Variants in AKAP14 observed in about 807,000 individuals in gnomAD.
AKAP14 encodes the protein A-kinase anchoring protein 14.
Under a neutral mutation model 17.0 loss-of-function variants are expected in AKAP14, and 4 were observed. The observed-to-expected ratio is 0.23, with a 90% CI of 0.12 to 0.54. The LOEUF is 0.54. Ranked by LOEUF, AKAP14 falls within the 20% of genes least tolerant of loss-of-function variation. The probability of loss-of-function intolerance (pLI) is 0.95; values close to 1 mark genes in which losing one functional copy is unlikely to be tolerated. For missense variants in AKAP14, 129 were observed against 150.9 expected (o/e 0.85, Z 0.76); for synonymous variants, 42 against 51.3 (o/e 0.82, Z 0.77).
chrX:119,905,862 C>T (rs897879181), intron 4 of AKAP14, among the ~76,000 whole-genome samples: 1 of 111,527 alleles, frequency 9.0e-6, no homozygotes, highest in African/African-American at 3.3e-5. Context: ...TTTTTCCCTT[C>T]GCACTTCTTT....
At position 119,914,647 on chromosome X, in the gene AKAP14, G is replaced by C. The variant is rs1483600870; in HGVS notation, c.262-52G>C. ...CATGCTGCATTTATCTACAGGACTT[G>C]AACAGAAGGCTTTTCTTTTTCTGTG... On this transcript the variant is annotated intron_variant, in intron 4 of 6. Transcript: ENST00000371431. 8 of 1,132,693 alleles carry C rather than the reference G, an allele frequency of 7.1e-6. No homozygotes were observed. The East Asian group carries it at 1.8e-4, about 26-fold the overall frequency. The allele number at this position is 1,132,693 out of a possible 1,213,427, so 93.3% of individuals were successfully genotyped here. A position where few individuals can be genotyped will look rare whatever the true frequency, so the allele number is the denominator to read the frequency against.
chrX:119,916,436 C>CTA (rs2056657336), intron 5 of AKAP14, among the ~76,000 whole-genome samples: 1 of 30,563 alleles, frequency 3.3e-5, no homozygotes, highest in African/African-American at 1.2e-4. Context: ...CCTATCTAAT[C>CTA]TATCTATCTA....
chrX:119,911,178 C>T (rs1287924458), intron 4 of AKAP14, among the ~76,000 whole-genome samples: 1 of 105,573 alleles, frequency 9.5e-6, no homozygotes, highest in Non-Finnish European at 1.9e-5. Flanking sequence ...CATGGTGAAA[C>T]CCTGTCTCTA....
Position 119,908,839 on chromosome X carries a change from G to A in AKAP14, c.261+5253G>A, listed in dbSNP as rs777153083. Reference sequence around the variant, plus strand: ...CACGGATAAAAATGGGAGGAGATTCGCCTGATGAAAATAGTTAAATTTAAT... The same window carrying A: ...CACGGATAAAAATGGGAGGAGATTCACCTGATGAAAATAGTTAAATTTAAT... On this transcript the variant is annotated intron_variant, in intron 4 of 6. Transcript: ENST00000371431. Among the ~76,000 whole-genome samples the A allele has an allele frequency of 7.2e-5, 8 of 111,829 alleles. No homozygotes were observed. The East Asian group carries it at 1.1e-3, about 16-fold the overall frequency.
intron 6 of AKAP14, 118 bp downstream of exon 6, chrX:119,920,081 C>T: frequency 1.3e-6 from 1 of 741,961 alleles, no homozygotes; most frequent in Non-Finnish European, 2.0e-6. Context: ...CTTCTTTGGA[C>T]CACCAAGCCC....
chrX:119,896,631 C>T (rs1315577337), intron 2 of AKAP14, among the ~76,000 whole-genome samples: 1 of 111,375 alleles, frequency 9.0e-6, no homozygotes, highest in Non-Finnish European at 1.9e-5. Flanking sequence ...TGTTGGAGCA[C>T]AGGCTCCCCA....
Position 119,920,523 on chromosome X carries a change from C to T in AKAP14, c.510C>T (p.Arg170=). Residue 170 remains arginine, a synonymous_variant, in exon 7 of 7, where the codon CGC becomes CGT. Coordinates refer to ENST00000371431, the MANE Select transcript of AKAP14 (RefSeq NM_178813.6). ...TCCTTTGTAGACCAGGAATGGTTCG[C>T]TTTCGAGAAAACTGGCAGAAGAATC... ...QALVHRPGMV[R]FRENWQKNLT... The T allele has an allele frequency of 8.3e-7, 1 of 1,208,671 alleles. No homozygotes were observed. Among genetic ancestry groups the T allele is most frequent in the Non-Finnish European group, 1.1e-6 (1 of 893,262 alleles).
chrX:119,899,187 G>GAAGA (rs1248309395), intron 2 of AKAP14, among the ~76,000 whole-genome samples: 1 of 78,407 alleles, frequency 1.3e-5, no homozygotes, highest in Non-Finnish European at 2.4e-5. Flanking sequence ...AAAAAAAAAG[G>GAAGA]AAGAAAGAAA....
rs2056684702 is a variant in AKAP14 at position 119,920,685 on chromosome X, T to C, written c.*78T>C. The C allele has an allele frequency of 1.3e-6, 1 of 752,203 alleles. No individual in the cohort carries two copies. Among genetic ancestry groups the C allele is most frequent in the African/African-American group, 2.0e-5 (1 of 48,783 alleles). The allele number at this position is 752,203 out of a possible 1,213,427, so 62.0% of individuals were successfully genotyped here. ...CAATACAGCACGTCAAACCACAGAA[T>C]ATTTATTGAGTAATAAACTTGTGGC... On this transcript the variant is annotated 3_prime_UTR_variant, in exon 7 of 7. Coordinates refer to ENST00000371431, the MANE Select transcript of AKAP14 (RefSeq NM_178813.6).
chrX:119,917,561 T>C (rs1389167165), intron 5 of AKAP14, among the ~76,000 whole-genome samples: 3 of 106,767 alleles, frequency 2.8e-5, no homozygotes, highest in Non-Finnish European at 5.8e-5. Context: ...GCTGAGATCA[T>C]GCCATTGCAC....
At chrX:119,911,744 C>T (rs1241993696) in intron 4 of AKAP14, among the ~76,000 whole-genome samples, 1 of 109,049 alleles carries the variant, frequency 9.2e-6, no homozygotes, top group Non-Finnish European at 1.9e-5. Context: ...AGTTGCCCAG[C>T]CTGGAGTGCA....
At chrX:119,916,468 CT>C (rs2056658245) in intron 5 of AKAP14, among the ~76,000 whole-genome samples, 1 of 108,280 alleles carries the variant, frequency 9.2e-6, no homozygotes, top group African/African-American at 3.3e-5. Flanking sequence ...ATCTATCTAT[CT>C]ATCTATCTAT....
intron 4 of AKAP14, among the ~76,000 whole-genome samples, 160 bp from the exon 5 acceptor site, chrX:119,914,539 T>C (rs1159916320): frequency 1.8e-5 from 2 of 111,259 alleles, no homozygotes; most frequent in African/African-American, 6.5e-5. Context: ...CCCAGGCTGG[T>C]CTGGAACTCC....
At chrX:119,914,237 CAAAA>C (rs766742780) in intron 4 of AKAP14, among the ~76,000 whole-genome samples, 1 of 71,084 alleles carries the variant, frequency 1.4e-5, no homozygotes, top group Non-Finnish European at 2.7e-5. Context: ...GACTCCATCT[CAAAA>C]AAAAAAAAAA....
At chrX:119,909,459 C>T (rs1034419162) in intron 4 of AKAP14, among the ~76,000 whole-genome samples, 7 of 105,917 alleles carry the variant, frequency 6.6e-5, no homozygotes, top group Admixed American at 2.1e-4. Flanking sequence ...ACTCGGGAGG[C>T]GGAGGTTGCA....
At chrX:119,896,401 A>AGGGGAGGGG (rs1358793641) in intron 2 of AKAP14, 134 bp downstream of exon 2, 36 of 87,962 alleles carry the variant, frequency 4.1e-4, no homozygotes, top group African/African-American at 1.5e-3. Context: ...GGCCTCTGAG[A>AGGGGAGGGG]AGGGGAGGGG....
At chrX:119,906,603 G>A (rs1271529464) in intron 4 of AKAP14, among the ~76,000 whole-genome samples, 27 of 106,626 alleles carry the variant, frequency 2.5e-4, no homozygotes, top group African/African-American at 8.2e-4. Flanking sequence ...GTGCGATCTC[G>A]GCCTACTACA....
chrX:119,907,818 G>A (rs2056606124), intron 4 of AKAP14, among the ~76,000 whole-genome samples: 1 of 111,600 alleles, frequency 9.0e-6, no homozygotes, highest in African/African-American at 3.2e-5. Context: ...TTCCACCACA[G>A]TAGGAAAAGT....
At chrX:119,911,303 G>A (rs1049643113) in intron 4 of AKAP14, among the ~76,000 whole-genome samples, 4 of 107,284 alleles carry the variant, frequency 3.7e-5, no homozygotes, top group Admixed American at 1.0e-4. Flanking sequence ...GCAGCGAGCC[G>A]AGATGGTGCC....
Sources: allele counts gnomAD v4.1 joint callset (sites outside exome capture counted in the v4.1 genomes callset), GRCh38; gene constraint gnomAD v4.1.1; transcripts MANE v1.5; gene names NCBI Gene and HGNC (gene_info 2026-07-23, HGNC 2026-07-21).